The following NADSYN1 variants were observed in gnomAD, a reference collection of about 807,000 sequenced individuals.
NADSYN1 encodes glutamine-dependent NAD(+) synthetase.
A neutral mutation model predicts 99.3 loss-of-function variants in NADSYN1; 80 were observed. The ratio of observed to expected loss-of-function variants is 0.81; its 90% CI spans 0.67 to 0.97. The LOEUF (loss-of-function observed/expected upper bound fraction) is 0.97. Among genes scored for constraint, NADSYN1 ranks in the 50% least tolerant of loss-of-function variants. The probability of loss-of-function intolerance (pLI) is 0.00; values close to 1 mark genes in which losing one functional copy is unlikely to be tolerated. For missense variants in NADSYN1, 859 were observed against 948.5 expected (o/e 0.91, Z 1.24); for synonymous variants, 385 against 372.1 (o/e 1.03, Z -0.40).
intron 16 of NADSYN1, among the ~76,000 whole-genome samples, chr11:71,490,165 G>A (rs1226853581): frequency 1.3e-5 from 2 of 152,144 alleles, no homozygotes; most frequent in South Asian, 2.1e-4. Flanking sequence ...TCCAGCCTCT[G>A]GAGTCCCGCC....
intron 5 of NADSYN1, among the ~76,000 whole-genome samples, chr11:71,471,579 G>A (rs528542379): frequency 6.6e-6 from 1 of 152,332 alleles, no homozygotes; most frequent in African/African-American, 2.4e-5. Flanking sequence ...TGCAGATGAA[G>A]GGAGAGATGT....
Position 71,453,391 on chromosome 11 carries a change from G to A in NADSYN1, c.85+10G>A, listed in dbSNP as rs536541048. On this transcript the variant is annotated intron_variant, in intron 1 of 20. Coordinates refer to ENST00000319023, the MANE Select transcript of NADSYN1 (RefSeq NM_018161.5). ...CAAAGAATTTTAAAGAGTGAGTCTG[G>A]GGCGGCGGGGGCACCGGTTTGGGGT... is the stretch of plus-strand genomic sequence containing the variant. 2 of 1,610,308 alleles carry A rather than the reference G, an allele frequency of 1.2e-6. No homozygotes were observed. Among genetic ancestry groups the A allele is most frequent in the East Asian group, 4.5e-5 (2 of 44,614 alleles).
rs1186391771 is a variant in NADSYN1 at position 71,491,761 on chromosome 11, CT to C, written c.1695-72del. On this transcript the variant is annotated intron_variant, in intron 17 of 20. Transcript: ENST00000319023. ...GACCAGCGTACTCGGGAAACTTAGTCTGGGGATTCTCTCCCAGAGCTCACAC... is the reference window on the plus strand; with the variant it reads ...GACCAGCGTACTCGGGAAACTTAGTCGGGGATTCTCTCCCAGAGCTCACAC... 3.5e-6 allele frequency: 5 copies of C among 1,409,944 alleles called. No individual in the cohort carries two copies. In the East Asian group the frequency reaches 1.1e-4, roughly 32 times the overall value. 87.3% of individuals were successfully genotyped at this position (1,409,944 alleles called of 1,614,324 possible).
rs776526776 is a variant in NADSYN1 at position 71,463,445 on chromosome 11, C to G, written c.277C>G (p.Arg93Gly). ...ICDVGMPVMH[R>G]NVRYNCRVIF... ...TCTCTCCTGCAGGCCTGTAATGCAC[C>G]GAAACGTCCGCTACAACTGCAGAGT... The change falls in exon 4 of 21, where the codon CGA becomes GGA. Residue 93 changes from arginine (R) to glycine (G), a missense_variant. Physicochemically the swap from Arg to Gly is moderately radical, Grantham distance 125 (BLOSUM62 -2). Transcript: ENST00000319023. 1.2e-6 allele frequency: 2 copies of G among 1,614,010 alleles called. No homozygotes were observed. Among genetic ancestry groups the G allele is most frequent in the Non-Finnish European group, 1.7e-6 (2 of 1,179,946 alleles).
At position 71,497,629 on chromosome 11, in the gene NADSYN1, C is replaced by T. The variant is rs758246499; in HGVS notation, c.1893+18C>T. The T allele has an allele frequency of 6.2e-7, 1 of 1,613,822 alleles. No individual in the cohort carries two copies. Among genetic ancestry groups the T allele is most frequent in the Admixed American group, 1.7e-5 (1 of 60,022 alleles). ...CGAGACAGGTAAAGCCTGTGAGACG[C>T]ATCACAGAGGGAGGCCAGTTAGGTA... is the stretch of plus-strand genomic sequence containing the variant. On this transcript the variant is annotated intron_variant, in intron 19 of 20. Transcript: ENST00000319023.
intron 3 of NADSYN1, among the ~76,000 whole-genome samples, chr11:71,462,496 T>G (rs957891438): frequency 2.0e-5 from 3 of 152,102 alleles, no homozygotes; most frequent in Non-Finnish European, 4.4e-5. Flanking sequence ...TTGAGTGACG[T>G]CTTCTGTCTC....
intron 2 of NADSYN1, among the ~76,000 whole-genome samples, chr11:71,457,439 G>C (rs1320361123): frequency 6.6e-5 from 10 of 152,338 alleles, no homozygotes; most frequent in Non-Finnish European, 1.5e-4. Flanking sequence ...ACTTCTTGAA[G>C]AGTTATAAGT....
chr11:71,477,422 T>C (rs1300787202), intron 9 of NADSYN1: 1 of 1,289,764 alleles, frequency 7.8e-7, no homozygotes, highest in East Asian at 5.6e-5. Flanking sequence ...CTTGTCTTCA[T>C]GGGCATCTCC....
At chr11:71,487,013 A>G (rs2120493633) in intron 16 of NADSYN1, among the ~76,000 whole-genome samples, 1 of 152,144 alleles carries the variant, frequency 6.6e-6, no homozygotes, top group Non-Finnish European at 1.5e-5. Context: ...TCACCGTGTT[A>G]GCCAGGATGG....
At chr11:71,478,262 C>T (rs1949682940) in intron 9 of NADSYN1, 133 bp from the exon 10 acceptor site, 3 of 730,524 alleles carry the variant, frequency 4.1e-6, no homozygotes, top group African/African-American at 1.7e-5. Context: ...TGCCCCATCC[C>T]TGGGCCTCCA....
intron 12 of NADSYN1, chr11:71,481,676 A>G: frequency 1.7e-6 from 1 of 600,308 alleles, no homozygotes; most frequent in East Asian, 2.8e-5. Flanking sequence ...CATTGTAATC[A>G]TGCGTATCTG....
At position 71,474,400 on chromosome 11, in the gene NADSYN1, T is replaced by G. The variant is rs748346324; in HGVS notation, c.672T>G (p.Gly224=). ...ATGGGGTCCTCCTTTTTCAGAACGG[T>G]GGGATTTACTTGCTGGCCAACCAGA... ...DLVTMVTSKN[G]GIYLLANQKG... The change falls in exon 9 of 21, where the codon GGT becomes GGG. Residue 224 remains glycine, a synonymous_variant. Coordinates refer to ENST00000319023, the MANE Select transcript of NADSYN1 (RefSeq NM_018161.5). 2.5e-6 allele frequency: 4 copies of G among 1,614,052 alleles called. No homozygotes were observed. The South Asian group carries it at 4.4e-5, about 18-fold the overall frequency.
At chr11:71,459,009 C>G (rs567324060) in intron 3 of NADSYN1, 10 of 182,314 alleles carry the variant, frequency 5.5e-5, no homozygotes, top group Non-Finnish European at 1.1e-4. Context: ...ATGGAGGCCT[C>G]TGCACACGCT....
intron 3 of NADSYN1, among the ~76,000 whole-genome samples, chr11:71,461,265 A>C (rs1459434839): frequency 1.3e-5 from 2 of 152,112 alleles, no homozygotes; most frequent in East Asian, 3.9e-4. Flanking sequence ...CTTAGAGATC[A>C]GATATTCACG....
chr11:71,481,433 C>T (rs1206752757), intron 12 of NADSYN1, 29 bp downstream of exon 12: 1 of 1,608,790 alleles, frequency 6.2e-7, no homozygotes, highest in Non-Finnish European at 8.5e-7. Flanking sequence ...AGTGAGCCCA[C>T]TTTGCTTGTT....
intron 8 of NADSYN1, among the ~76,000 whole-genome samples, chr11:71,474,143 G>C (rs1292334291): frequency 1.3e-5 from 2 of 152,222 alleles, no homozygotes; most frequent in Non-Finnish European, 2.9e-5. Flanking sequence ...TGAGGGAGGT[G>C]ATGGGGTCTG....
In NADSYN1 at chr11:71,485,652, A is replaced by C. The variant is rs1447097539; in HGVS notation, c.1562+4A>C. 3.2e-5 allele frequency: 50 copies of C among 1,549,338 alleles called. No homozygotes were observed. Among genetic ancestry groups the C allele is most frequent in the Non-Finnish European group, 4.3e-5 (49 of 1,145,662 alleles). On this transcript the variant is annotated splice_donor_region_variant and intron_variant, in intron 16 of 20. Transcript: ENST00000319023. Reference sequence around the variant, plus strand: ...GATCCGCCAACGTGGATGAGAGGTGAGTGTGGCCCAGTGGCACGTGGTGGT... The same window carrying C: ...GATCCGCCAACGTGGATGAGAGGTGCGTGTGGCCCAGTGGCACGTGGTGGT...
chr11:71,465,364 C>T (rs1949580852), intron 5 of NADSYN1, among the ~76,000 whole-genome samples: 1 of 152,186 alleles, frequency 6.6e-6, no homozygotes. Context: ...GGGTCTCCAT[C>T]CCCTGGTGCC....
chr11:71,489,173 T>C (rs967325089), intron 16 of NADSYN1, among the ~76,000 whole-genome samples: 1 of 151,858 alleles, frequency 6.6e-6, no homozygotes. Flanking sequence ...TGATTTCAGC[T>C]GATGGAAGTG....
Sources: allele counts gnomAD v4.1 joint callset (sites outside exome capture counted in the v4.1 genomes callset), GRCh38; gene constraint gnomAD v4.1.1; transcripts MANE v1.5; gene names NCBI Gene and HGNC (gene_info 2026-07-23, HGNC 2026-07-21).